The following UNC13C variants were observed in gnomAD, a reference collection of about 807,000 sequenced individuals.
The protein encoded by UNC13C is unc-13 homolog C, also known as protein unc-13 homolog C.
Under a neutral mutation model 245.4 loss-of-function variants are expected in UNC13C, and 174 were observed. The observed-to-expected ratio is 0.71, with a 90% confidence interval of 0.63 to 0.80. The LOEUF (loss-of-function observed/expected upper bound fraction) is 0.80. UNC13C is among the 30% of genes least tolerant of loss of function. The pLI is 0.00. For missense variants in UNC13C, 2,829 were observed against 2,602.9 expected (o/e 1.09, Z -1.89); for synonymous variants, 992 against 895.1 (o/e 1.11, Z -1.93).
At chr15:54,035,709 G>A (rs572775283) in intron 2 of UNC13C, among the ~76,000 whole-genome samples, 1 of 152,222 alleles carries the variant, frequency 6.6e-6, no homozygotes, top group Admixed American at 6.5e-5. Context: ...ACAGGCATGG[G>A]AAGTTTTCCA....
intron 26 of UNC13C, among the ~76,000 whole-genome samples, chr15:54,542,865 A>G (rs1172671435): frequency 6.6e-6 from 1 of 151,876 alleles, no homozygotes; most frequent in Non-Finnish European, 1.5e-5. Flanking sequence ...ATATTCCTCC[A>G]TTCCTTTATT....
intron 4 of UNC13C, among the ~76,000 whole-genome samples, chr15:54,205,031 G>T (rs1246951686): frequency 6.6e-6 from 1 of 151,842 alleles, no homozygotes; most frequent in African/African-American, 2.4e-5. Context: ...CCATAATTGG[G>T]AGATATTATA....
chr15:54,003,672 C>A (rs1478003597), intron 1 of UNC13C, among the ~76,000 whole-genome samples: 3 of 152,144 alleles, frequency 2.0e-5, no homozygotes, highest in Non-Finnish European at 4.4e-5. Flanking sequence ...GTATTACAAA[C>A]AATCCAGTTA....
At chr15:54,338,638 T>G in intron 17 of UNC13C, 149 bp downstream of exon 17, 1 of 861,746 alleles carries the variant, frequency 1.2e-6, no homozygotes, top group Non-Finnish European at 1.7e-6. Context: ...TTCTTCATAT[T>G]TGAATATCAC....
chr15:54,622,702 C>CACTTGCACTTT (rs1316873373), intron 31 of UNC13C, among the ~76,000 whole-genome samples: 3 of 152,116 alleles, frequency 2.0e-5, no homozygotes, highest in Non-Finnish European at 4.4e-5. Context: ...ATTCATTGAA[C>CACTTGCACTTT]ACTTGCACTT....
chr15:54,310,540 G>C (rs1475956182), intron 13 of UNC13C, among the ~76,000 whole-genome samples: 1 of 151,738 alleles, frequency 6.6e-6, no homozygotes, highest in Non-Finnish European at 1.5e-5. Context: ...TATTCAGAAA[G>C]GCATAGCATG....
intron 2 of UNC13C, among the ~76,000 whole-genome samples, chr15:54,022,294 T>C (rs1895934356): frequency 6.6e-6 from 1 of 152,164 alleles, no homozygotes; most frequent in Admixed American, 6.5e-5. Context: ...TGAGGTGATA[T>C]CACACTGTGG....
At chr15:54,051,664 A>ATTTT (rs1555408148) in intron 2 of UNC13C, among the ~76,000 whole-genome samples, 3,337 of 151,080 alleles carry the variant, frequency 0.022, 146 homozygotes, top group African/African-American at 0.076. Flanking sequence ...TTATTTATTT[A>ATTTT]TTTTAATCAG....
At chr15:53,878,627 C>T in the UNC13C span, among the ~76,000 whole-genome samples, 40 of 152,010 alleles carry the variant, frequency 2.6e-4, no homozygotes, top group African/African-American at 8.7e-4. Context: ...TGCTGTTTGT[C>T]TACTTTTGGG....
intron 2 of UNC13C, chr15:54,050,039 G>A (rs1487475352): frequency 1.0e-5 from 3 of 294,072 alleles, no homozygotes; most frequent in African/African-American, 2.2e-5. Context: ...GCGTGACCTC[G>A]GCTCACTGCA....
chr15:54,054,381 A>G (rs1022819563), intron 2 of UNC13C, among the ~76,000 whole-genome samples: 3 of 152,196 alleles, frequency 2.0e-5, no homozygotes, highest in African/African-American at 4.8e-5. Flanking sequence ...TGATTTGTCT[A>G]TGCATCCTGC....
rs181793020 is a variant in UNC13C, at chr15:54,160,765, A to T, written c.3071+17081A>T. On this transcript the variant is annotated intron_variant, in intron 4 of 32. Transcript: ENST00000260323. ...GACATGTGAACATTTAACACAATTT[A>T]TGACACATAGAAAGCAAATATTTTT... Among the ~76,000 whole-genome samples the T allele has an allele frequency of 2.2e-3, 328 of 152,002 alleles. 1 individual carries two copies. The highest frequency in any genetic ancestry group is 7.8e-3 in the African/African-American group (320 of 41,254).
Position 54,020,650 on chromosome 15 carries a change from T to C in UNC13C, c.2983+4764T>C, listed in dbSNP as rs541559180. Among the ~76,000 whole-genome samples, 13 of 152,206 alleles carry C rather than the reference T, an allele frequency of 8.5e-5. No individual in the cohort carries two copies. In the South Asian group the frequency reaches 2.7e-3, roughly 32 times the overall value. On this transcript the variant is annotated intron_variant, in intron 2 of 32. Transcript: ENST00000260323. ...TCAGAGTTAAGTAGATTATTACATT[T>C]TGTGAAAAGGCTTTAGTAATATCTA...
chr15:53,973,854 AAAGT>A (rs1219239910), upstream of UNC13C, among the ~76,000 whole-genome samples: 1 of 152,192 alleles, frequency 6.6e-6, no homozygotes, highest in Non-Finnish European at 1.5e-5. Flanking sequence ...ATATTCTAAA[AAAGT>A]GTCTGCTTGA....
chr15:54,097,254 G>A (rs900959327), intron 2 of UNC13C, among the ~76,000 whole-genome samples: 3 of 152,062 alleles, frequency 2.0e-5, no homozygotes, highest in African/African-American at 7.2e-5. Flanking sequence ...AATTGTTTTG[G>A]TGTCCATCTC....
At chr15:54,570,980 C>T (rs559373562) in intron 30 of UNC13C, among the ~76,000 whole-genome samples, 60 of 152,282 alleles carry the variant, frequency 3.9e-4, no homozygotes, top group African/African-American at 1.4e-3. Flanking sequence ...TGACACTGGA[C>T]ATGCTGAAAT....
At chr15:53,935,788 T>A in the UNC13C span, among the ~76,000 whole-genome samples, 2,382 of 152,194 alleles carry the variant, frequency 0.016, 23 homozygotes, top group Non-Finnish European at 0.025. Context: ...AGCCACACTT[T>A]TCCCATGGAT....
chr15:54,522,998 C>G (rs572593), intron 24 of UNC13C, among the ~76,000 whole-genome samples: 116,819 of 152,116 alleles, frequency 0.77, 46,059 homozygotes, highest in African/African-American at 0.94. Context: ...CTAGGATAAG[C>G]TTTAAACCTT....
chr15:54,421,275 G>A (rs1444210307), intron 19 of UNC13C, among the ~76,000 whole-genome samples: 1 of 151,148 alleles, frequency 6.6e-6, no homozygotes, highest in Non-Finnish European at 1.5e-5. Flanking sequence ...TTACATTTTG[G>A]TGGCCTTCTT....
Sources: allele counts gnomAD v4.1 joint callset (sites outside exome capture counted in the v4.1 genomes callset), GRCh38; gene constraint gnomAD v4.1.1; transcripts MANE v1.5; gene names NCBI Gene and HGNC (gene_info 2026-07-23, HGNC 2026-07-21).